The following CDYL2 variants were observed in gnomAD, a reference collection of about 807,000 sequenced individuals.
CDYL2 encodes chromodomain Y-like protein 2.
Under a neutral mutation model 49.4 loss-of-function variants are expected in CDYL2, and 23 were observed. That is an observed-to-expected ratio of 0.47 (90% CI 0.34 to 0.66). The LOEUF is 0.66. CDYL2 is among the 30% of genes least tolerant of loss of function. CDYL2 has a pLI of 0.01. For synonymous variants in CDYL2, 360 were observed against 268.8 expected, an observed-to-expected ratio of 1.34 and a Z score of -3.32; for missense variants, 678 against 656.4, an observed-to-expected ratio of 1.03 and a Z score of -0.36.
rs996970412 is a variant in CDYL2 at position 80,603,305 on chromosome 16, T to A, written c.*1083A>T. On this transcript the variant is annotated 3_prime_UTR_variant, in exon 7 of 7. Transcript: ENST00000570137. ...ATTCTCAGGTAGGGCCTATCCCCAC[T>A]CCTGCCCAACATCACGCAATTTGGG... 1.3e-5 allele frequency: 2 copies of A among 152,160 alleles called. No homozygotes were observed. Among genetic ancestry groups the A allele is most frequent in the Non-Finnish European group, 2.9e-5 (2 of 68,052 alleles). The allele number at this position is 152,160 out of a possible 1,614,324, so 9.4% of individuals were successfully genotyped here.
rs1488439008 is a variant in CDYL2, at chr16:80,599,005, T to G, written c.*5383A>C. ...TGGGACTAATGGCACAGGGACAAAT[T>G]AAATACTAGATGGGAAACTCTACAC... On this transcript the variant is annotated 3_prime_UTR_variant, in exon 7 of 7. Coordinates refer to ENST00000570137, the MANE Select transcript of CDYL2 (RefSeq NM_152342.4). 1 of 151,822 alleles carries G rather than the reference T, an allele frequency of 6.6e-6. No individual in the cohort carries two copies. Among genetic ancestry groups the G allele is most frequent in the Non-Finnish European group, 1.5e-5 (1 of 67,962 alleles). The allele number at this position is 151,822 out of a possible 1,614,324, so 9.4% of individuals were successfully genotyped here.
intron 2 of CDYL2, among the ~76,000 whole-genome samples, chr16:80,683,577 AGGATG>A (rs1910055566): frequency 6.9e-5 from 2 of 29,064 alleles, no homozygotes; most frequent in Admixed American, 2.2e-4. Context: ...GAATTAGTGC[AGGATG>A]AGGTCAAGAC....
rs142348972 is a variant in CDYL2 at position 80,779,091 on chromosome 16, T to C, written c.24+25059A>G. Among the ~76,000 whole-genome samples, 844 of 151,802 alleles carry C rather than the reference T, an allele frequency of 5.6e-3. 10 individuals carry two copies. Among genetic ancestry groups the C allele is most frequent in the African/African-American group, 0.02 (809 of 41,424 alleles). ...TTCCCCTCACTCCAAGGAAGGAATG[T>C]AGGAAGAAAAGAAGGAAGGAAGGAG... On this transcript the variant is annotated intron_variant, in intron 1 of 6. Transcript: ENST00000570137.
chr16:80,702,047 A>T (rs1904304010), intron 1 of CDYL2, among the ~76,000 whole-genome samples: 2 of 152,202 alleles, frequency 1.3e-5, no homozygotes. Context: ...TAGCAGAATT[A>T]TTGCATAAGT....
intron 2 of CDYL2, among the ~76,000 whole-genome samples, chr16:80,678,968 T>C (rs1162768517): frequency 6.6e-6 from 1 of 150,952 alleles, no homozygotes; most frequent in Non-Finnish European, 1.5e-5. Context: ...TGTAGGGACA[T>C]GGATGAAACT....
intron 3 of CDYL2, among the ~76,000 whole-genome samples, chr16:80,623,674 G>C (rs1172432557): frequency 1.3e-5 from 2 of 152,186 alleles, no homozygotes; most frequent in East Asian, 3.8e-4. Flanking sequence ...CCTTCTGGGG[G>C]AGTCACTTGT....
intron 1 of CDYL2, among the ~76,000 whole-genome samples, chr16:80,762,173 G>A (rs563206994): frequency 6.6e-6 from 1 of 152,050 alleles, no homozygotes; most frequent in Admixed American, 6.6e-5. Flanking sequence ...ACAAGAGTGA[G>A]ACTTGTCTCA....
At position 80,735,964 on chromosome 16, in the gene CDYL2, G is replaced by A. The variant is rs767713914; in HGVS notation, c.25-50835C>T. 2.1e-4 allele frequency among the ~76,000 whole-genome samples: 32 copies of A among 152,290 alleles called. No individual in the cohort carries two copies. The Middle Eastern group carries it at 0.01, about 49-fold the overall frequency. On this transcript the variant is annotated intron_variant, in intron 1 of 6. Coordinates refer to ENST00000570137, the MANE Select transcript of CDYL2 (RefSeq NM_152342.4). ...CTCGGGTCTGCACTTAGTAGCTCAG[G>A]GGCCTCAAGCAAGTAATTACTCCTC...
chr16:80,754,466 G>A (rs995949654), intron 1 of CDYL2, among the ~76,000 whole-genome samples: 4 of 152,138 alleles, frequency 2.6e-5, no homozygotes, highest in Admixed American at 6.6e-5. Context: ...GGAACTTTCC[G>A]GAGTTTGGAA....
intron 2 of CDYL2, among the ~76,000 whole-genome samples, chr16:80,674,554 T>A (rs182220799): frequency 1.3e-3 from 192 of 152,270 alleles, no homozygotes; most frequent in African/African-American, 4.4e-3. Context: ...CCCCATAATC[T>A]AATTCCAGAA....
At chr16:80,720,320 G>C (rs1482580531) in intron 1 of CDYL2, among the ~76,000 whole-genome samples, 4 of 152,186 alleles carry the variant, frequency 2.6e-5, no homozygotes, top group South Asian at 2.1e-4. Context: ...GAAGCAAAGA[G>C]ACAAAAACTA....
intron 1 of CDYL2, among the ~76,000 whole-genome samples, chr16:80,733,568 T>C (rs1905409177): frequency 6.6e-6 from 1 of 152,156 alleles, no homozygotes. Context: ...ACATCATCAC[T>C]ATGCCAAGAT....
At chr16:80,741,061 TCTA>T (rs1465527730) in intron 1 of CDYL2, among the ~76,000 whole-genome samples, 2 of 151,288 alleles carry the variant, frequency 1.3e-5, no homozygotes, top group Non-Finnish European at 3.0e-5. Flanking sequence ...ATTCAAGACT[TCTA>T]CTGCCAATTA....
intron 1 of CDYL2, among the ~76,000 whole-genome samples, chr16:80,773,717 T>A (rs980975820): frequency 6.6e-6 from 1 of 152,170 alleles, no homozygotes; most frequent in Non-Finnish European, 1.5e-5. Context: ...TAGAAGTGTT[T>A]TAAACTCAGT....
intron 1 of CDYL2, among the ~76,000 whole-genome samples, chr16:80,731,800 C>G (rs1172753609): frequency 6.6e-6 from 1 of 152,066 alleles, no homozygotes; most frequent in Non-Finnish European, 1.5e-5. Flanking sequence ...TAAAGGTTAA[C>G]TTTCCATCTA....
At chr16:80,624,326 G>A (rs2142380253) in intron 3 of CDYL2, among the ~76,000 whole-genome samples, 1 of 152,222 alleles carries the variant, frequency 6.6e-6, no homozygotes, top group Non-Finnish European at 1.5e-5. Context: ...TTTTGCTGTA[G>A]GAAAACTCTC....
intron 1 of CDYL2, among the ~76,000 whole-genome samples, chr16:80,691,976 C>G (rs1489832009): frequency 1.3e-5 from 2 of 152,200 alleles, no homozygotes; most frequent in Non-Finnish European, 2.9e-5. Context: ...AGACAACATA[C>G]TCGAAAAGCT....
chr16:80,722,427 C>T (rs1287863075), intron 1 of CDYL2, among the ~76,000 whole-genome samples: 3 of 152,078 alleles, frequency 2.0e-5, no homozygotes, highest in African/African-American at 2.4e-5. Flanking sequence ...GAGAATTTAC[C>T]CAGGAACTCA....
intron 1 of CDYL2, among the ~76,000 whole-genome samples, chr16:80,693,290 A>G (rs1280974685): frequency 2.0e-5 from 3 of 152,256 alleles, no homozygotes; most frequent in Non-Finnish European, 2.9e-5. Flanking sequence ...TTATACCTCA[A>G]TAAAGTTGTT....
Sources: gnomAD v4.1 joint callset for allele counts (sites outside exome capture counted in the v4.1 genomes callset) on GRCh38, gnomAD v4.1.1 for gene constraint, MANE v1.5 for transcripts, NCBI Gene and HGNC (gene_info 2026-07-23, HGNC 2026-07-21) for gene names.